Variants in LRRC36 observed in about 807,000 individuals in gnomAD.
The protein encoded by LRRC36 is leucine rich repeat containing 36, also known as leucine-rich repeat-containing protein 36.
In LRRC36, 62 loss-of-function variants were observed where a neutral mutation model predicts 81.1. The ratio of observed to expected loss-of-function variants is 0.76; its 90% CI spans 0.62 to 0.94. The LOEUF (loss-of-function observed/expected upper bound fraction) is 0.94. Among genes scored for constraint, LRRC36 ranks in the 40% least tolerant of loss-of-function variants. The pLI is 0.00. For synonymous variants in LRRC36, 334 were observed against 348.6 expected (o/e 0.96, Z 0.47); for missense variants, 761 against 881.7 (o/e 0.86, Z 1.73).
At position 67,385,151 on chromosome 16, in the gene LRRC36, A is replaced by G. The variant is rs1437266625; in HGVS notation, c.*62A>G. 10 of 1,248,378 alleles carry G rather than the reference A, an allele frequency of 8.0e-6. No homozygotes were observed. Among genetic ancestry groups the G allele is most frequent in the Non-Finnish European group, 1.2e-5 (10 of 855,744 alleles). 77.3% of individuals were successfully genotyped at this position (1,248,378 alleles called of 1,614,324 possible). On this transcript the variant is annotated 3_prime_UTR_variant, in exon 14 of 14. Coordinates refer to ENST00000329956, the MANE Select transcript of LRRC36 (RefSeq NM_018296.6). ...CACAGAGGCTCTCACCGCCATTGCC[A>G]CCAGTATGGTGGTATGTACTCACAA...
Position 67,346,261 on chromosome 16 carries a change from C to A in LRRC36, c.204C>A (p.Ile68=). Residue 68 remains isoleucine (I), a synonymous_variant, in exon 3 of 14, where the codon ATC becomes ATA. Coordinates refer to ENST00000329956, the MANE Select transcript of LRRC36 (RefSeq NM_018296.6). Reference sequence around the variant, plus strand: ...ATGTGGTGTTTTCCTTGTAGGGAATCCAGTATTTATGTTCACTCCAAGACC... The same window carrying A: ...ATGTGGTGTTTTCCTTGTAGGGAATACAGTATTTATGTTCACTCCAAGACC... ...SRNLITSLKG[I]QYLCSLQDLN... is the part of the protein sequence containing the mutation. 6.4e-7 allele frequency: 1 copy of A among 1,559,062 alleles called. No individual in the cohort carries two copies. Among genetic ancestry groups the A allele is most frequent in the Non-Finnish European group, 8.7e-7 (1 of 1,143,276 alleles).
intron 12 of LRRC36, among the ~76,000 whole-genome samples, chr16:67,379,871 C>T (rs2040047249): frequency 6.6e-6 from 1 of 152,176 alleles, no homozygotes; most frequent in African/African-American, 2.4e-5. Context: ...CAAGTAATCA[C>T]AGACCTGATT....
Position 67,350,226 on chromosome 16 carries a change from C to T in LRRC36, c.513C>T (p.Asn171=), listed in dbSNP as rs370715985. Residue 171 remains asparagine, a synonymous_variant, in exon 5 of 14, where the codon AAC becomes AAT. Coordinates refer to ENST00000329956, the MANE Select transcript of LRRC36 (RefSeq NM_018296.6). ...GCTCTAGGGAGAAGACAATGAAAAACTGTGTAACAGGTGAGAGCTCTGCAT... is the reference window on the plus strand; with the variant it reads ...GCTCTAGGGAGAAGACAATGAAAAATTGTGTAACAGGTGAGAGCTCTGCAT... ...EKSSREKTMK[N]CVTGESSASK... 6.2e-7 allele frequency: 1 copy of T among 1,602,314 alleles called. No individual in the cohort carries two copies. Among genetic ancestry groups the T allele is most frequent in the Non-Finnish European group, 8.5e-7 (1 of 1,174,924 alleles).
intron 12 of LRRC36, among the ~76,000 whole-genome samples, chr16:67,381,055 C>G (rs1567505788): frequency 2.0e-5 from 3 of 151,994 alleles, no homozygotes; most frequent in Non-Finnish European, 4.4e-5. Flanking sequence ...GAAACCCCAT[C>G]TCTACTAAAA....
At chr16:67,371,488 G>T in intron 9 of LRRC36, 1 of 528,798 alleles carries the variant, frequency 1.9e-6, no homozygotes, top group South Asian at 2.0e-5. Flanking sequence ...ATCTACTTCC[G>T]GCTGAAGATT....
In LRRC36 at chr16:67,363,533, C is replaced by T. The variant is rs2142091584; in HGVS notation, c.578-57C>T. 3 of 1,588,612 alleles carry T rather than the reference C, an allele frequency of 1.9e-6. No homozygotes were observed. The East Asian group carries it at 6.7e-5, about 36-fold the overall frequency. ...TTTTAGTATCTATCCATTAGACATG[C>T]TGCCTTTGAAGTCTGGTCAGTGAGT... On this transcript the variant is annotated intron_variant, in intron 5 of 13. Transcript: ENST00000329956.
chr16:67,376,647 A>G, intron 10 of LRRC36, 80 bp from the exon 11 acceptor site: 2 of 1,413,522 alleles, frequency 1.4e-6, no homozygotes, highest in East Asian at 2.3e-5. Context: ...TTTGATCCAG[A>G]GAGCTGGTAG....
chr16:67,380,772 G>A (rs575110088), intron 12 of LRRC36, among the ~76,000 whole-genome samples: 2 of 152,098 alleles, frequency 1.3e-5, no homozygotes, highest in Non-Finnish European at 2.9e-5. Flanking sequence ...TGATAAATAA[G>A]CTTTTGCAGC....
At chr16:67,350,338 T>C (rs750590609) in intron 5 of LRRC36, 48 bp downstream of exon 5, 3 of 1,421,382 alleles carry the variant, frequency 2.1e-6, no homozygotes, top group South Asian at 2.4e-5. Context: ...ATCAGTTATC[T>C]CAGCTGCCAT....
chr16:67,350,687 T>A (rs1241763774), intron 5 of LRRC36, among the ~76,000 whole-genome samples: 1 of 152,200 alleles, frequency 6.6e-6, no homozygotes, highest in Non-Finnish European at 1.5e-5. Flanking sequence ...TGGGATATAT[T>A]ACTGGGGAAT....
chr16:67,378,444 T>G (rs757212030), intron 11 of LRRC36, 145 bp from the exon 12 acceptor site: 127 of 568,354 alleles, frequency 2.2e-4, no homozygotes, highest in Non-Finnish European at 3.5e-4. Flanking sequence ...TTCACCGTGT[T>G]GCCCAGGCTG....
rs575338533 is a variant in LRRC36, at chr16:67,376,768, C to T, written c.1702C>T (p.Pro568Ser). The change falls in exon 11 of 14, where the codon CCT (proline) becomes TCT (serine). Residue 568 changes from proline (P) to serine (S), a missense_variant. By Grantham distance (74) the Pro-to-Ser change is moderately conservative (BLOSUM62 -1). This residue lies in a region of LRRC36 where 359 missense variants were observed against 388.4 expected (regional missense o/e 0.92). Transcript: ENST00000329956. ...DLLLSLVVPA[P>S]SQPRCCSHPE... ...GCTTCTGTCTTTGGTAGTCCCGGCT[C>T]CTTCTCAGCCGAGGTGTTGCTCACA... 10 of 1,613,784 alleles carry T rather than the reference C, an allele frequency of 6.2e-6. No individual in the cohort carries two copies. In the East Asian group the frequency reaches 2.2e-4, roughly 36 times the overall value.
At chr16:67,378,917 T>G (rs1022022138) in intron 12 of LRRC36, among the ~76,000 whole-genome samples, 1 of 152,234 alleles carries the variant, frequency 6.6e-6, no homozygotes, top group Non-Finnish European at 1.5e-5. Flanking sequence ...ATGAAGCTCT[T>G]GTCAGTGGAA....
chr16:67,329,809 T>C (rs1181261701), intron 1 of LRRC36, among the ~76,000 whole-genome samples: 2 of 151,914 alleles, frequency 1.3e-5, no homozygotes, highest in African/African-American at 4.8e-5. Context: ...TCCCAACTAC[T>C]TGGGAGGCTG....
Position 67,371,131 on chromosome 16 carries a change from G to T in LRRC36, c.1383G>T (p.Lys461Asn). The change falls in exon 9 of 14, where the codon AAG becomes AAT. Residue 461 changes from lysine (K) to asparagine (N), a missense_variant. Physicochemically the swap from Lys to Asn is moderately conservative, Grantham distance 94 (BLOSUM62 0). Coordinates refer to ENST00000329956, the MANE Select transcript of LRRC36 (RefSeq NM_018296.6). ...CTCCTGGGACTTCAGAACACAGAAA[G>T]ATTTTTACCAAGAGGTCACTAAGCC... is the stretch of plus-strand genomic sequence containing the variant. Reference protein sequence around the residue: ...LLSPGTSEHRKIFTKRSLSPS... With the variant: ...LLSPGTSEHRNIFTKRSLSPS... 2 of 1,614,190 alleles carry T rather than the reference G, an allele frequency of 1.2e-6. No individual in the cohort carries two copies. Among genetic ancestry groups the T allele is most frequent in the East Asian group, 2.2e-5 (1 of 44,890 alleles).
chr16:67,376,214 G>A (rs752446359), intron 10 of LRRC36, among the ~76,000 whole-genome samples: 4 of 152,046 alleles, frequency 2.6e-5, no homozygotes, highest in Non-Finnish European at 4.4e-5. Context: ...AGGCTGAGGC[G>A]GGAGAGCTGC....
At chr16:67,365,672 A>G (rs894925317) in intron 7 of LRRC36, among the ~76,000 whole-genome samples, 1 of 152,082 alleles carries the variant, frequency 6.6e-6, no homozygotes, top group Non-Finnish European at 1.5e-5. Context: ...TAAGTTATAT[A>G]CATTTTCTAT....
chr16:67,376,693 A>G, intron 10 of LRRC36, 34 bp from the exon 11 acceptor site: 1 of 1,598,464 alleles, frequency 6.3e-7, no homozygotes, highest in South Asian at 1.1e-5. Flanking sequence ...AGCTTTTAAG[A>G]TTGGCCTGTG....
chr16:67,352,825 GTGCTACCA>G (rs1303826050), intron 5 of LRRC36, among the ~76,000 whole-genome samples: 1 of 151,750 alleles, frequency 6.6e-6, no homozygotes, highest in Non-Finnish European at 1.5e-5. Flanking sequence ...CTACAGGTGT[GTGCTACCA>G]TGCACAGCTA....
Sources: allele counts gnomAD v4.1 joint callset (sites outside exome capture counted in the v4.1 genomes callset), GRCh38; gene constraint gnomAD v4.1.1; regional missense constraint gnomAD v4.1.1; transcripts MANE v1.5; gene names NCBI Gene and HGNC (gene_info 2026-07-23, HGNC 2026-07-21).